Variants in EIF3H observed in about 807,000 individuals in gnomAD.
EIF3H encodes eukaryotic translation initiation factor 3 subunit H, also known as eIF-3-gamma.
A neutral mutation model predicts 44.2 loss-of-function variants in EIF3H; 26 were observed. The observed-to-expected ratio is 0.59, with a 90% CI of 0.43 to 0.82. The LOEUF is 0.82. Among genes scored for constraint, EIF3H ranks in the 40% least tolerant of loss-of-function variants. EIF3H has a pLI of 0.00. For missense variants in EIF3H, 359 were observed against 432.8 expected (o/e 0.83, Z 1.51); for synonymous variants, 166 against 151.9 (o/e 1.09, Z -0.68).
chr8:116,682,306 AAAGT>A (rs1341069154), intron 2 of EIF3H, among the ~76,000 whole-genome samples: 1 of 152,244 alleles, frequency 6.6e-6, no homozygotes, highest in Non-Finnish European at 1.5e-5. Context: ...TTAAGTCAAT[AAAGT>A]CTCAATTGAA....
chr8:116,685,507 T>C (rs1277122921), intron 2 of EIF3H, among the ~76,000 whole-genome samples: 2 of 152,202 alleles, frequency 1.3e-5, no homozygotes, highest in African/African-American at 2.4e-5. Flanking sequence ...GACTGCTGAT[T>C]ACATCCCTTC....
chr8:116,678,990 T>TG (rs1191837162), intron 2 of EIF3H, among the ~76,000 whole-genome samples: 151 of 48,000 alleles, frequency 3.1e-3, no homozygotes, highest in African/African-American at 7.4e-3. Context: ...AGGAGGGAGG[T>TG]GGGGGGGTCA....
chr8:116,718,644 G>T (rs1814692655), intron 2 of EIF3H, among the ~76,000 whole-genome samples: 1 of 150,830 alleles, frequency 6.6e-6, no homozygotes, highest in South Asian at 2.1e-4. Flanking sequence ...AACATCATAT[G>T]TTCTCATTCA....
chr8:116,749,274 T>A (rs1326091360), intron 1 of EIF3H, among the ~76,000 whole-genome samples: 1 of 152,172 alleles, frequency 6.6e-6, no homozygotes, highest in East Asian at 1.9e-4. Flanking sequence ...ATGGATCACA[T>A]ACCAAGGTGA....
At chr8:116,756,855 T>A (rs1815457893), upstream of EIF3H, among the ~76,000 whole-genome samples, 1 of 152,214 alleles carries the variant, frequency 6.6e-6, no homozygotes, top group Non-Finnish European at 1.5e-5. Context: ...TTAGAGGTTT[T>A]AAAGGTTGAT....
At chr8:116,724,678 TATGAA>T (rs977677604) in intron 2 of EIF3H, among the ~76,000 whole-genome samples, 5 of 152,070 alleles carry the variant, frequency 3.3e-5, no homozygotes, top group African/African-American at 9.7e-5. Flanking sequence ...CCAACAAGCA[TATGAA>T]AAGATGCTCA....
intron 1 of EIF3H, among the ~76,000 whole-genome samples, chr8:116,732,401 A>C (rs981140149): frequency 1.3e-5 from 2 of 152,316 alleles, no homozygotes; most frequent in East Asian, 3.9e-4. Context: ...GATGGCAGGT[A>C]AAATCTCTCA....
At chr8:116,726,239 G>A in intron 1 of EIF3H, 67 bp from the exon 2 acceptor site, 8 of 1,489,602 alleles carry the variant, frequency 5.4e-6, no homozygotes, top group South Asian at 2.9e-5. Flanking sequence ...TTATTTCTAA[G>A]AAAAAACAAA....
At position 116,643,399 on chromosome 8, in the gene EIF3H, G is replaced by C. The variant is rs1232033971; in HGVS notation, c.*1607C>G. ...AAGAAATAATTATATATGTGAGCAAGTACTTGGATTCTAGAATGTTCTAGG... is the reference window on the plus strand; with the variant it reads ...AAGAAATAATTATATATGTGAGCAACTACTTGGATTCTAGAATGTTCTAGG... On this transcript the variant is annotated 3_prime_UTR_variant, in exon 8 of 8. Transcript: ENST00000521861. 1 of 152,222 alleles carries C rather than the reference G, an allele frequency of 6.6e-6. No individual in the cohort carries two copies. Among genetic ancestry groups the C allele is most frequent in the Non-Finnish European group, 1.5e-5 (1 of 68,044 alleles). 9.4% of individuals were successfully genotyped at this position (152,222 alleles called of 1,614,324 possible).
At position 116,724,054 on chromosome 8, in the gene EIF3H, T is replaced by C. The variant is rs781205508; in HGVS notation, c.289+1962A>G. On this transcript the variant is annotated intron_variant, in intron 2 of 7. Coordinates refer to ENST00000521861, the MANE Select transcript of EIF3H (RefSeq NM_003756.3). ...ACAAAATTTCTGACTTCAAAACCTATTACAAAGCTGGAGTAATCCAAAAAG... is the reference window on the plus strand; with the variant it reads ...ACAAAATTTCTGACTTCAAAACCTACTACAAAGCTGGAGTAATCCAAAAAG... Among the ~76,000 whole-genome samples the C allele has an allele frequency of 6.0e-4, 92 of 152,122 alleles. 2 individuals are homozygous for C. Among genetic ancestry groups the C allele is most frequent in the South Asian group, 2.1e-4 (1 of 4,828 alleles).
chr8:116,688,679 T>C (rs925760744), intron 2 of EIF3H, among the ~76,000 whole-genome samples: 1 of 151,984 alleles, frequency 6.6e-6, no homozygotes, highest in African/African-American at 2.4e-5. Context: ...TGGTGCTACC[T>C]ATGTTCTATT....
intron 2 of EIF3H, among the ~76,000 whole-genome samples, chr8:116,676,715 T>C (rs920914314): frequency 6.6e-6 from 1 of 152,252 alleles, no homozygotes; most frequent in Non-Finnish European, 1.5e-5. Context: ...AAACATACGA[T>C]GTTCATCCTT....
intron 1 of EIF3H, among the ~76,000 whole-genome samples, chr8:116,734,783 C>G (rs1171609079): frequency 6.6e-6 from 1 of 152,174 alleles, no homozygotes; most frequent in Non-Finnish European, 1.5e-5. Context: ...TGGTCTCACA[C>G]TCCTGGCCTC....
chr8:116,704,042 TAAAGAC>T (rs1586465777), intron 2 of EIF3H, among the ~76,000 whole-genome samples: 3 of 152,248 alleles, frequency 2.0e-5, no homozygotes, highest in Admixed American at 6.5e-5. Context: ...TTAGGGGACT[TAAAGAC>T]TAAGAAGATA....
chr8:116,648,421 T>C (rs1245555388), intron 6 of EIF3H, among the ~76,000 whole-genome samples: 1 of 152,178 alleles, frequency 6.6e-6, no homozygotes, highest in African/African-American at 2.4e-5. Flanking sequence ...TTAATCACAA[T>C]TGCTCCGTTT....
At chr8:116,685,630 A>T (rs1353694101) in intron 2 of EIF3H, among the ~76,000 whole-genome samples, 1 of 152,104 alleles carries the variant, frequency 6.6e-6, no homozygotes, top group Non-Finnish European at 1.5e-5. Context: ...AAGAATTTGG[A>T]GCAGAAGAAA....
intron 2 of EIF3H, among the ~76,000 whole-genome samples, chr8:116,701,030 ACTTT>A (rs1814367457): frequency 6.6e-6 from 1 of 152,212 alleles, no homozygotes; most frequent in Non-Finnish European, 1.5e-5. Flanking sequence ...AAGAAAAATT[ACTTT>A]CTAAATATTG....
chr8:116,671,330 A>G (rs1813749927), intron 2 of EIF3H, among the ~76,000 whole-genome samples: 2 of 152,162 alleles, frequency 1.3e-5, no homozygotes, highest in African/African-American at 4.8e-5. Context: ...AGACCAAACA[A>G]TATCTGCATA....
intron 2 of EIF3H, among the ~76,000 whole-genome samples, chr8:116,668,899 T>C (rs1025215173): frequency 1.3e-5 from 2 of 152,156 alleles, no homozygotes; most frequent in Non-Finnish European, 2.9e-5. Context: ...CCAGGTACTA[T>C]GATACTCATC....
Sources: gnomAD v4.1 joint callset for allele counts (sites outside exome capture counted in the v4.1 genomes callset) on GRCh38, gnomAD v4.1.1 for gene constraint, MANE v1.5 for transcripts, NCBI Gene and HGNC (gene_info 2026-07-23, HGNC 2026-07-21) for gene names.